Variants in SLC30A9 observed in about 807,000 individuals in gnomAD.
The protein encoded by SLC30A9 is proton-coupled zinc antiporter SLC30A9, mitochondrial.
A neutral mutation model predicts 87.5 loss-of-function variants in SLC30A9; 58 were observed. That is an observed-to-expected ratio of 0.66 (90% confidence interval 0.54 to 0.82). The LOEUF (loss-of-function observed/expected upper bound fraction) is 0.82, where lower values mean the gene tolerates loss of function less well. SLC30A9 is among the 40% of genes least tolerant of loss of function. The pLI, the probability that SLC30A9 is intolerant of heterozygous loss-of-function variation, is 0.00. For missense variants in SLC30A9, 557 were observed against 679.1 expected (o/e 0.82, Z 2.00); for synonymous variants, 234 against 233.0 (o/e 1.00, Z -0.04).
At chr4:42,027,783 A>C (rs1048803109) in intron 6 of SLC30A9, among the ~76,000 whole-genome samples, 8 of 152,208 alleles carry the variant, frequency 5.3e-5, no homozygotes, top group African/African-American at 1.7e-4. Context: ...GCTGCAACCA[A>C]AGTTTGGTTT....
chr4:41,999,159 A>C (rs1247827137), intron 1 of SLC30A9, among the ~76,000 whole-genome samples: 2 of 152,240 alleles, frequency 1.3e-5, no homozygotes, highest in African/African-American at 4.8e-5. Context: ...TGAAGTTGTA[A>C]TGATATACAC....
In SLC30A9 at chr4:42,051,734, G is replaced by A. The variant is rs77070755; in HGVS notation, c.840+2255G>A. Among the ~76,000 whole-genome samples, 502 of 152,138 alleles carry A rather than the reference G, an allele frequency of 3.3e-3. 1 individual carries two copies. Among genetic ancestry groups the A allele is most frequent in the African/African-American group, 0.012 (484 of 41,536 alleles). ...GACAAAAAAGATTGAAAAAAATGGAGGAAGCCTTGGTAACCTATGGAACAA... is the reference window on the plus strand; with the variant it reads ...GACAAAAAAGATTGAAAAAAATGGAAGAAGCCTTGGTAACCTATGGAACAA... On this transcript the variant is annotated intron_variant, in intron 9 of 17. Coordinates refer to ENST00000264451, the MANE Select transcript of SLC30A9 (RefSeq NM_006345.4).
chr4:42,073,785 G>A (rs1044364578), intron 15 of SLC30A9, among the ~76,000 whole-genome samples: 3 of 152,256 alleles, frequency 2.0e-5, no homozygotes, highest in East Asian at 1.9e-4. Context: ...AAAGTCACAG[G>A]TTAGTCACCT....
rs1180421350 is a variant in SLC30A9, at chr4:42,021,917, A to ATTTTTTT, written c.435-898_435-892dup. Among the ~76,000 whole-genome samples, 19 of 39,946 alleles carry ATTTTTTT rather than the reference A, an allele frequency of 4.8e-4. 1 individual carries two copies. Among genetic ancestry groups the ATTTTTTT allele is most frequent in the African/African-American group, 1.1e-3 (17 of 15,482 alleles). The allele number at this position is 39,946 out of a possible 152,430, so 26.2% of individuals were successfully genotyped here. A position where few individuals can be genotyped will look rare whatever the true frequency, so the allele number is the denominator to read the frequency against. On this transcript the variant is annotated intron_variant, in intron 4 of 17. Transcript: ENST00000264451. Reference sequence around the variant, plus strand: ...GGCTGTGCGCCACCACGCCTGGCTAATTTTTTTTTTTTTTTTTTTTTTTTT... The same window carrying ATTTTTTT: ...GGCTGTGCGCCACCACGCCTGGCTAATTTTTTTTTTTTTTTTTTTTTTTTTTTTTTTT...
intron 6 of SLC30A9, among the ~76,000 whole-genome samples, chr4:42,026,988 C>T (rs1196244818): frequency 6.6e-6 from 1 of 152,034 alleles, no homozygotes; most frequent in African/African-American, 2.4e-5. Flanking sequence ...TTAGTGTAAT[C>T]AATTTTAATA....
chr4:42,008,056 G>A (rs934680131), intron 2 of SLC30A9, among the ~76,000 whole-genome samples: 2 of 152,054 alleles, frequency 1.3e-5, no homozygotes, highest in East Asian at 1.9e-4. Context: ...TCTGGCTTCC[G>A]TATTCCTCTT....
chr4:42,011,266 A>G (rs538743018), intron 2 of SLC30A9, among the ~76,000 whole-genome samples: 4 of 152,340 alleles, frequency 2.6e-5, no homozygotes, highest in South Asian at 4.1e-4. Context: ...TTATAAAACC[A>G]TCAGATCTGG....
chr4:41,998,968 AAATT>A (rs1714864220), intron 1 of SLC30A9, among the ~76,000 whole-genome samples: 1 of 152,152 alleles, frequency 6.6e-6, no homozygotes, highest in Admixed American at 6.5e-5. Context: ...CTGGTGTTAA[AAATT>A]AAGGACTTTT....
chr4:42,053,417 G>A (rs961363528), intron 9 of SLC30A9, among the ~76,000 whole-genome samples: 6 of 152,092 alleles, frequency 3.9e-5, no homozygotes, highest in South Asian at 2.1e-4. Context: ...TTGGCTGGGC[G>A]CGGTGGCTCA....
At chr4:42,082,311 C>A (rs1165766784) in intron 17 of SLC30A9, among the ~76,000 whole-genome samples, 1 of 152,036 alleles carries the variant, frequency 6.6e-6, no homozygotes, top group Non-Finnish European at 1.5e-5. Flanking sequence ...AGGTGCCAAA[C>A]CAAAAGGGAA....
chr4:41,996,723 C>CA (rs1714727833), intron 1 of SLC30A9, among the ~76,000 whole-genome samples: 1 of 151,866 alleles, frequency 6.6e-6, no homozygotes, highest in South Asian at 2.1e-4. Flanking sequence ...GCCTGGGTGA[C>CA]AGAGCAACAC....
chr4:42,083,464 A>G (rs1718811640), intron 17 of SLC30A9, among the ~76,000 whole-genome samples: 1 of 152,232 alleles, frequency 6.6e-6, no homozygotes, highest in Non-Finnish European at 1.5e-5. Context: ...TAAGCAGTAA[A>G]CATTGAATTT....
chr4:42,016,244 T>G (rs1715714323), intron 2 of SLC30A9, among the ~76,000 whole-genome samples: 1 of 152,216 alleles, frequency 6.6e-6, no homozygotes, highest in Non-Finnish European at 1.5e-5. Context: ...TCTGAAATGT[T>G]ATTGAATGAG....
At chr4:42,073,759 G>T (rs567657904) in intron 15 of SLC30A9, among the ~76,000 whole-genome samples, 3 of 152,272 alleles carry the variant, frequency 2.0e-5, no homozygotes, top group Non-Finnish European at 4.4e-5. Flanking sequence ...AATAGAGAGC[G>T]AGTGTGAACA....
Position 42,021,907 on chromosome 4 carries a change from C to T in SLC30A9, c.435-931C>T, listed in dbSNP as rs1394524647. Among the ~76,000 whole-genome samples the T allele has an allele frequency of 1.3e-5, 2 of 148,506 alleles. 1 individual carries two copies. The highest frequency in any genetic ancestry group is 3.0e-5 in the Non-Finnish European group (2 of 67,168). ...CTGGGACTATGGCTGTGCGCCACCACGCCTGGCTAATTTTTTTTTTTTTTT... is the reference window on the plus strand; with the variant it reads ...CTGGGACTATGGCTGTGCGCCACCATGCCTGGCTAATTTTTTTTTTTTTTT... On this transcript the variant is annotated intron_variant, in intron 4 of 17. Coordinates refer to ENST00000264451, the MANE Select transcript of SLC30A9 (RefSeq NM_006345.4).
intron 9 of SLC30A9, among the ~76,000 whole-genome samples, 192 bp from the exon 10 acceptor site, chr4:42,059,997 GGT>G (rs1717778954): frequency 6.6e-6 from 1 of 151,868 alleles, no homozygotes; most frequent in African/African-American, 2.4e-5. Flanking sequence ...TATAAACAAT[GGT>G]GTTTTGAACC....
At position 42,075,688 on chromosome 4, in the gene SLC30A9, G is replaced by T; in HGVS notation, c.1450G>T (p.Gly484Ter). Reference protein sequence around the residue: ...AIHDVKATDLGLGKVRFKAEV... With the variant: ...AIHDVKATDL Reference sequence around the variant, plus strand: ...TCATGATGTTAAAGCCACAGATCTGGGATTAGGTAAAGTAAGATTTAAGGC... The same window carrying T: ...TCATGATGTTAAAGCCACAGATCTGTGATTAGGTAAAGTAAGATTTAAGGC... The change falls in exon 16 of 18, where the codon GGA becomes TGA. Residue 484 changes from glycine (G) to a stop codon, truncating the protein, a stop_gained. Coordinates refer to ENST00000264451, the MANE Select transcript of SLC30A9 (RefSeq NM_006345.4). LOFTEE classifies it high-confidence loss of function. 1 of 1,613,620 alleles carries T rather than the reference G, an allele frequency of 6.2e-7. No homozygotes were observed.
At chr4:42,052,040 T>G (rs1334569478) in intron 9 of SLC30A9, among the ~76,000 whole-genome samples, 1 of 151,154 alleles carries the variant, frequency 6.6e-6, no homozygotes, top group Non-Finnish European at 1.5e-5. Context: ...GAGTAAGATT[T>G]CAGGAGTGTA....
chr4:42,023,553 G>A (rs1479973236), intron 6 of SLC30A9, among the ~76,000 whole-genome samples, 169 bp downstream of exon 6: 3 of 152,202 alleles, frequency 2.0e-5, no homozygotes, highest in Non-Finnish European at 4.4e-5. Flanking sequence ...AACAGGAACT[G>A]TATTTTTGTT....
Sources: gnomAD v4.1 joint callset for allele counts (sites outside exome capture counted in the v4.1 genomes callset) on GRCh38, gnomAD v4.1.1 for gene constraint, MANE v1.5 for transcripts, NCBI Gene and HGNC (gene_info 2026-07-23, HGNC 2026-07-21) for gene names.